SYNE2: variants seen among roughly 807,000 people sequenced by gnomAD.
SYNE2 encodes spectrin repeat containing nuclear envelope protein 2.
In SYNE2, 431 loss-of-function variants were observed where a neutral mutation model predicts 856.3. The ratio of observed to expected loss-of-function variants is 0.50; its 90% CI spans 0.47 to 0.55. The LOEUF (loss-of-function observed/expected upper bound fraction) is 0.55, where lower values mean the gene tolerates loss of function less well. Among genes scored for constraint, SYNE2 ranks in the 20% least tolerant of loss-of-function variants. SYNE2 has a pLI of 0.00. For synonymous variants in SYNE2, 2,923 were observed against 2,872.3 expected (o/e 1.02, Z -0.56); for missense variants, 8,129 against 8,023.2 (o/e 1.01, Z -0.50).
intron 99 of SYNE2, among the ~76,000 whole-genome samples, chr14:64,195,078 T>C (rs1189803602): frequency 1.3e-5 from 2 of 152,176 alleles, no homozygotes; most frequent in Non-Finnish European, 2.9e-5. Context: ...GTTGCACATC[T>C]TGATGAATTC....
chr14:64,035,515 ATTTTTTTTTTT>A (rs35030710), intron 45 of SYNE2, among the ~76,000 whole-genome samples: 1 of 121,714 alleles, frequency 8.2e-6, no homozygotes, highest in Admixed American at 8.8e-5. Flanking sequence ...TACATGGTAC[ATTTTTTTTTTT>A]TTTTTTTTTG....
intron 57 of SYNE2, among the ~76,000 whole-genome samples, chr14:64,082,151 C>T (rs760821637): frequency 5.3e-5 from 8 of 152,010 alleles, no homozygotes; most frequent in Non-Finnish European, 1.0e-4. Flanking sequence ...CTAAGATGCC[C>T]CCCAATATTC....
intron 6 of SYNE2, among the ~76,000 whole-genome samples, chr14:63,943,262 G>A (rs978788536): frequency 2.0e-5 from 3 of 152,166 alleles, no homozygotes; most frequent in Non-Finnish European, 4.4e-5. Flanking sequence ...CTTATGCGAG[G>A]ACATCAAGAT....
intron 1 of SYNE2, among the ~76,000 whole-genome samples, chr14:63,896,036 G>T (rs895083529): frequency 5.3e-5 from 8 of 152,138 alleles, no homozygotes; most frequent in Admixed American, 3.9e-4. Flanking sequence ...AGGGATAGGT[G>T]GATGTAGACA....
chr14:64,073,259 G>A (rs143998105), intron 52 of SYNE2, among the ~76,000 whole-genome samples: 1 of 152,230 alleles, frequency 6.6e-6, no homozygotes, highest in East Asian at 1.9e-4. Flanking sequence ...CTGGCAACCA[G>A]CCCTCATCCT....
At chr14:64,134,902 G>A (rs760552616) in intron 78 of SYNE2, among the ~76,000 whole-genome samples, 12 of 152,102 alleles carry the variant, frequency 7.9e-5, no homozygotes, top group Non-Finnish European at 1.3e-4. Flanking sequence ...CAGGAGAATT[G>A]CTTAAACCTG....
intron 1 of SYNE2, among the ~76,000 whole-genome samples, chr14:63,776,267 C>T (rs1450617359): frequency 6.6e-6 from 1 of 152,158 alleles, no homozygotes; most frequent in African/African-American, 2.4e-5. Flanking sequence ...AAGGTTCACA[C>T]AATTATAGCT....
rs757864536 is a variant in SYNE2 at position 63,915,904 on chromosome 14, AGC to A, written c.79+6678_79+6679del. 1.5e-3 allele frequency among the ~76,000 whole-genome samples: 231 copies of A among 152,260 alleles called. No individual in the cohort carries two copies. The Middle Eastern group carries it at 0.017, about 11-fold the overall frequency. On this transcript the variant is annotated intron_variant, in intron 2 of 115. Transcript: ENST00000555002. ...TTTTAGAAGCATTAAAAATTATCCA[AGC>A]TTAGTGGGTTAGGTTACAAACATCG...
intron 115 of SYNE2, 89 bp downstream of exon 115, chr14:64,225,134 G>A: frequency 6.4e-7 from 1 of 1,567,694 alleles, no homozygotes; most frequent in Non-Finnish European, 8.8e-7. Flanking sequence ...CAAGGTCCTT[G>A]CAAAAATCTG....
At chr14:64,145,594 A>G (rs750607703) in intron 83 of SYNE2, among the ~76,000 whole-genome samples, 3 of 152,044 alleles carry the variant, frequency 2.0e-5, no homozygotes, top group Non-Finnish European at 4.4e-5. Flanking sequence ...TATTATGATT[A>G]TGACCTAATA....
intron 37 of SYNE2, 78 bp from the exon 38 acceptor site, chr14:64,022,673 A>G: frequency 1.2e-6 from 1 of 810,046 alleles, no homozygotes; most frequent in Non-Finnish European, 2.1e-6. Flanking sequence ...CATGGGAAAC[A>G]AGTTTCAAAA....
At chr14:64,113,648 G>A in intron 66 of SYNE2, 77 bp downstream of exon 66, 1 of 1,443,028 alleles carries the variant, frequency 6.9e-7, no homozygotes, top group Non-Finnish European at 9.5e-7. Context: ...TTCTCTTAAA[G>A]CAACACTGTT....
At chr14:63,771,133 A>G (rs1279931365) in intron 1 of SYNE2, among the ~76,000 whole-genome samples, 1 of 143,772 alleles carries the variant, frequency 7.0e-6, no homozygotes, top group Non-Finnish European at 1.5e-5. Flanking sequence ...GCAGTGGCGC[A>G]ATCTCGGCTC....
At chr14:64,214,515 T>A in intron 106 of SYNE2, 45 bp downstream of exon 106, 1 of 1,568,888 alleles carries the variant, frequency 6.4e-7, no homozygotes. Flanking sequence ...CCCGTTTGGC[T>A]ATGTTTTTAG....
intron 6 of SYNE2, 56 bp from the exon 7 acceptor site, chr14:63,949,769 C>T (rs1393088970): frequency 2.5e-6 from 4 of 1,598,940 alleles, no homozygotes; most frequent in Non-Finnish European, 3.4e-6. Flanking sequence ...GAAATTTTGG[C>T]CCAATGCTGG....
intron 6 of SYNE2, among the ~76,000 whole-genome samples, chr14:63,944,331 G>A (rs186619054): frequency 1.3e-4 from 19 of 147,932 alleles, no homozygotes; most frequent in Admixed American, 4.7e-4. Context: ...GAGGCATGAT[G>A]TTTGTTGTAA....
At chr14:64,008,905 T>G (rs2096821963) in intron 31 of SYNE2, among the ~76,000 whole-genome samples, 2 of 152,170 alleles carry the variant, frequency 1.3e-5, no homozygotes, top group South Asian at 4.1e-4. Flanking sequence ...TTGCGGGGGT[T>G]AATCCCTGTG....
intron 107 of SYNE2, chr14:64,215,643 C>A (rs1035482204): frequency 1.9e-5 from 10 of 537,830 alleles, no homozygotes; most frequent in African/African-American, 1.7e-4. Context: ...CTCCATCTAA[C>A]TGAAGTCCTT....
At position 64,052,759 on chromosome 14, in the gene SYNE2, A is replaced by G. The variant is rs766036726; in HGVS notation, c.8846A>G (p.His2949Arg). 2 of 1,612,292 alleles carry G rather than the reference A, an allele frequency of 1.2e-6. No homozygotes were observed. ...EHKIKFCRQF[H>R]EKTSALQEEA... ...AAGATAAAGTTTTGCAGACAATTCC[A>G]TGAAAAAACATCAGCGCTTCAGGAG... Residue 2949 changes from histidine to arginine, a missense_variant, in exon 48 of 116, where the codon CAT becomes CGT. His to Arg is a conservative substitution (Grantham distance 29). Around this residue, in one of 3 missense-constraint regions of SYNE2, gnomAD observed 5,410 missense variants for 5,284.8 expected, o/e 1.02. Coordinates refer to ENST00000555002, the MANE Select transcript of SYNE2 (RefSeq NM_182914.3).
Sources: allele counts gnomAD v4.1 joint callset (sites outside exome capture counted in the v4.1 genomes callset), GRCh38; gene constraint gnomAD v4.1.1; regional missense constraint gnomAD v4.1.1; transcripts MANE v1.5; gene names NCBI Gene and HGNC (gene_info 2026-07-23, HGNC 2026-07-21).